The following PDE3A variants were observed in gnomAD, a reference collection of about 807,000 sequenced individuals.
PDE3A encodes cGMP-inhibited 3',5'-cyclic phosphodiesterase 3A.
PDE3A carries 43 observed loss-of-function variants against 98.3 expected under a neutral mutation model. The observed-to-expected ratio is 0.44, with a 90% CI of 0.34 to 0.56. The LOEUF (loss-of-function observed/expected upper bound fraction) is 0.56. Among genes scored for constraint, PDE3A ranks in the 20% least tolerant of loss-of-function variants. The pLI, the probability that PDE3A is intolerant of heterozygous loss-of-function variation, is 0.01. For missense variants in PDE3A, 1,427 were observed against 1,440.7 expected (o/e 0.99, Z 0.15); for synonymous variants, 663 against 567.9 (o/e 1.17, Z -2.38).
chr12:20,672,286 A>C (rs1177241672), intron 15 of PDE3A, among the ~76,000 whole-genome samples: 1 of 145,472 alleles, frequency 6.9e-6, no homozygotes, highest in East Asian at 2.1e-4. Flanking sequence ...GGTAATTTAC[A>C]GATTCAATGC....
At chr12:20,664,013 T>C (rs1277988471) in intron 15 of PDE3A, among the ~76,000 whole-genome samples, 2 of 152,112 alleles carry the variant, frequency 1.3e-5, no homozygotes, top group African/African-American at 4.8e-5. Flanking sequence ...GTCATGCTGC[T>C]GTTCTTGTTA....
intron 15 of PDE3A, among the ~76,000 whole-genome samples, chr12:20,665,538 C>T (rs2120367192): frequency 6.6e-6 from 1 of 152,108 alleles, no homozygotes; most frequent in African/African-American, 2.4e-5. Context: ...CTCACAGACC[C>T]TATGGTCTAG....
At chr12:20,450,882 G>A (rs1213985438) in intron 1 of PDE3A, among the ~76,000 whole-genome samples, 1 of 152,214 alleles carries the variant, frequency 6.6e-6, no homozygotes, top group Non-Finnish European at 1.5e-5. Context: ...GAAAAATTGA[G>A]TTTACTTGGA....
intron 1 of PDE3A, among the ~76,000 whole-genome samples, chr12:20,422,012 T>G (rs758269865): frequency 2.0e-5 from 3 of 152,204 alleles, no homozygotes; most frequent in Non-Finnish European, 4.4e-5. Flanking sequence ...TCAACTTCAC[T>G]TGCGTTTTTG....
rs187562168 is a variant in PDE3A at position 20,425,154 on chromosome 12, C to T, written c.960+54910C>T. 7.6e-4 allele frequency among the ~76,000 whole-genome samples: 115 copies of T among 152,256 alleles called. 1 individual carries two copies. The highest frequency in any genetic ancestry group is 2.7e-3 in the African/African-American group (111 of 41,556). On this transcript the variant is annotated intron_variant, in intron 1 of 15. Transcript: ENST00000359062. ...ATTTAGAGTGTTTAAAAGAGGCACACGCCTGGATTGGCCTCGGTGACCAAT... is the reference window on the plus strand; with the variant it reads ...ATTTAGAGTGTTTAAAAGAGGCACATGCCTGGATTGGCCTCGGTGACCAAT...
intron 2 of PDE3A, among the ~76,000 whole-genome samples, chr12:20,558,937 T>C (rs1295619150): frequency 9.2e-5 from 14 of 152,112 alleles, no homozygotes; most frequent in Admixed American, 9.2e-4. Context: ...TACAGCACTG[T>C]GGTGGGTCTA....
intron 1 of PDE3A, among the ~76,000 whole-genome samples, chr12:20,549,800 A>C (rs750646163): frequency 3.9e-5 from 6 of 152,170 alleles, no homozygotes; most frequent in Non-Finnish European, 7.4e-5. Flanking sequence ...TCAGTTTGTT[A>C]TATAATGCTA....
At chr12:20,418,512 T>C (rs1944459821) in intron 1 of PDE3A, among the ~76,000 whole-genome samples, 1 of 152,200 alleles carries the variant, frequency 6.6e-6, no homozygotes, top group Non-Finnish European at 1.5e-5. Context: ...CCTCAGCCGT[T>C]TCATTTAAAT....
At chr12:20,564,332 T>C (rs774765693) in intron 2 of PDE3A, among the ~76,000 whole-genome samples, 1 of 152,154 alleles carries the variant, frequency 6.6e-6, no homozygotes, top group Non-Finnish European at 1.5e-5. Flanking sequence ...GTATGGAAGA[T>C]AGTAAATAAA....
intron 1 of PDE3A, among the ~76,000 whole-genome samples, chr12:20,500,477 T>C (rs1257054817): frequency 6.6e-6 from 1 of 152,176 alleles, no homozygotes; most frequent in Non-Finnish European, 1.5e-5. Context: ...TGAAAAACAG[T>C]TCATAAATCT....
chr12:20,483,000 A>G (rs2121011934), intron 1 of PDE3A, among the ~76,000 whole-genome samples: 1 of 152,194 alleles, frequency 6.6e-6, no homozygotes, highest in African/African-American at 2.4e-5. Context: ...TAAAAGTTGT[A>G]TTTCCTCTCT....
chr12:20,565,553 G>A (rs1230222872), intron 2 of PDE3A, among the ~76,000 whole-genome samples: 2 of 151,966 alleles, frequency 1.3e-5, no homozygotes, highest in African/African-American at 2.4e-5. Flanking sequence ...ATCAGATATA[G>A]AGGTAGGTAA....
chr12:20,587,634 A>T (rs1181894253), intron 2 of PDE3A, among the ~76,000 whole-genome samples: 1 of 152,206 alleles, frequency 6.6e-6, no homozygotes, highest in African/African-American at 2.4e-5. Flanking sequence ...ATCTGATTTC[A>T]ACTTCGGAAA....
intron 10 of PDE3A, among the ~76,000 whole-genome samples, chr12:20,645,009 C>T (rs1438981543): frequency 6.6e-6 from 1 of 151,884 alleles, no homozygotes; most frequent in Non-Finnish European, 1.5e-5. Context: ...CTGCCTCAGC[C>T]TCCCGAGTAG....
intron 1 of PDE3A, chr12:20,553,157 T>C: frequency 1.2e-6 from 1 of 824,904 alleles, no homozygotes; most frequent in Non-Finnish European, 1.9e-6. Flanking sequence ...TTTTTTTTTT[T>C]TATTTTTATT....
At chr12:20,481,828 G>A (rs1945633095) in intron 1 of PDE3A, among the ~76,000 whole-genome samples, 1 of 136,698 alleles carries the variant, frequency 7.3e-6, no homozygotes. Context: ...GCAGGGGTGC[G>A]ATCTCGGCTC....
At chr12:20,657,900 T>C (rs958210778) in intron 15 of PDE3A, among the ~76,000 whole-genome samples, 10 of 152,222 alleles carry the variant, frequency 6.6e-5, no homozygotes, top group African/African-American at 2.4e-4. Flanking sequence ...CTGCCATCAA[T>C]GTGTATAACT....
rs1183635767 is a variant in PDE3A, at chr12:20,683,045, ACAT to A, written c.*2776_*2778del. 3 of 152,222 alleles carry A rather than the reference ACAT, an allele frequency of 2.0e-5. No individual in the cohort carries two copies. The highest frequency in any genetic ancestry group is 7.2e-5 in the African/African-American group (3 of 41,462). 9.4% of individuals were successfully genotyped at this position (152,222 alleles called of 1,614,324 possible). A position where few individuals can be genotyped will look rare whatever the true frequency, so the allele number is the denominator to read the frequency against. ...AATAATAGTGGCCAAAGCAATTAGA[ACAT>A]CTTCATTCCAGAACTGTGTTCAGCA... is the stretch of plus-strand genomic sequence containing the variant. On this transcript the variant is annotated 3_prime_UTR_variant, in exon 16 of 16. Coordinates refer to ENST00000359062, the MANE Select transcript of PDE3A (RefSeq NM_000921.5).
chr12:20,565,779 T>G (rs1942640760), intron 2 of PDE3A, among the ~76,000 whole-genome samples: 1 of 152,008 alleles, frequency 6.6e-6, no homozygotes, highest in Non-Finnish European at 1.5e-5. Context: ...AATTTCTTAT[T>G]AACACATATC....
Sources: gnomAD v4.1 joint callset for allele counts (sites outside exome capture counted in the v4.1 genomes callset) on GRCh38, gnomAD v4.1.1 for gene constraint, MANE v1.5 for transcripts, NCBI Gene and HGNC (gene_info 2026-07-23, HGNC 2026-07-21) for gene names.